The following VPS13A variants were observed in gnomAD, a reference collection of about 807,000 sequenced individuals.
VPS13A encodes the protein vacuolar protein sorting 13 homolog A, also known as intermembrane lipid transfer protein VPS13A.
In VPS13A, 264 loss-of-function variants were observed where a neutral mutation model predicts 390.9. The ratio of observed to expected loss-of-function variants is 0.68; its 90% CI spans 0.61 to 0.75. The LOEUF (loss-of-function observed/expected upper bound fraction) is 0.75, where lower values mean the gene tolerates loss of function less well. VPS13A is among the 30% of genes least tolerant of loss of function. The pLI, the probability that VPS13A is intolerant of heterozygous loss-of-function variation, is 0.00. For missense variants in VPS13A, 3,409 were observed against 3,733.9 expected, an observed-to-expected ratio of 0.91 and a Z score of 2.27; for synonymous variants, 1,231 against 1,227.1, an observed-to-expected ratio of 1.00 and a Z score of -0.07.
Position 77,318,544 on chromosome 9 carries a change from A to G in VPS13A, c.5266A>G (p.Lys1756Glu), listed in dbSNP as rs1308299417. 1 of 1,613,748 alleles carries G rather than the reference A, an allele frequency of 6.2e-7. No homozygotes were observed. The highest frequency in any genetic ancestry group is 1.7e-5 in the Admixed American group (1 of 59,950). ...AAAGTCACGTTTTTCAGGGGAAGGC[A>G]AAAACTGGAGTTCCCTAATAAATCT... ...LAKSRFSGEG[K>E]NWSSLINLHC... The change falls in exon 41 of 72, where the codon AAA becomes GAA. Residue 1756 changes from lysine to glutamate, a missense_variant. By Grantham distance (56) the Lys-to-Glu change is moderately conservative (BLOSUM62 1). Around this residue, in one of 5 missense-constraint regions of VPS13A, gnomAD observed 2,717 missense variants for 2,917.4 expected, o/e 0.93. Coordinates refer to ENST00000360280, the MANE Select transcript of VPS13A (RefSeq NM_033305.3).
At chr9:77,367,251 C>T (rs575075191) in intron 61 of VPS13A, among the ~76,000 whole-genome samples, 4 of 151,918 alleles carry the variant, frequency 2.6e-5, no homozygotes, top group South Asian at 2.1e-4. Flanking sequence ...AGAATGAATG[C>T]GATAATAGGG....
At chr9:77,395,207 T>C (rs1834073165) in intron 68 of VPS13A, among the ~76,000 whole-genome samples, 1 of 152,168 alleles carries the variant, frequency 6.6e-6, no homozygotes, top group South Asian at 2.1e-4. Flanking sequence ...GACATATAAC[T>C]CTTCATTTCA....
chr9:77,197,923 C>A (rs1460463941), intron 1 of VPS13A, among the ~76,000 whole-genome samples: 3 of 152,132 alleles, frequency 2.0e-5, no homozygotes, highest in African/African-American at 7.2e-5. Flanking sequence ...ATAATTTTCT[C>A]ACATTTATTC....
chr9:77,321,149 T>G lies in VPS13A; in HGVS notation c.5416-20T>G. The G allele has an allele frequency of 6.2e-7, 1 of 1,606,814 alleles. No homozygotes were observed. Among genetic ancestry groups the G allele is most frequent in the Non-Finnish European group, 8.5e-7 (1 of 1,174,804 alleles). On this transcript the variant is annotated intron_variant, in intron 42 of 71. Transcript: ENST00000360280. Reference sequence around the variant, plus strand: ...TGTTCTTAGAATTTTTCCTTATATTTCTATGATTTATCATTTTAGATGAAA... The same window carrying G: ...TGTTCTTAGAATTTTTCCTTATATTGCTATGATTTATCATTTTAGATGAAA...
chr9:77,340,484 A>G lies in VPS13A; in HGVS notation c.6960A>G (p.Lys2320=). 6.2e-7 allele frequency: 1 copy of G among 1,613,538 alleles called. No homozygotes were observed. Among genetic ancestry groups the G allele is most frequent in the Non-Finnish European group, 8.5e-7 (1 of 1,179,724 alleles). Residue 2320 remains lysine, a synonymous_variant, in exon 50 of 72, where the codon AAA becomes AAG. Transcript: ENST00000360280. ...TFTPFYMIKN[K]SKYHISVAEE... ...CCCCTTTTTATATGATTAAAAACAA[A>G]AGCAAATACCATATATCAGTGGCTG...
chr9:77,414,686 A>G (rs530986934), intron 71 of VPS13A, among the ~76,000 whole-genome samples: 1 of 151,748 alleles, frequency 6.6e-6, no homozygotes, highest in Non-Finnish European at 1.5e-5. Flanking sequence ...ACATATATAC[A>G]TATGTAACTA....
chr9:77,344,281 G>A lies in VPS13A; in HGVS notation c.7155G>A (p.Glu2385=), dbSNP rs73449933. The part of the protein sequence containing the change: ...ENCILLRLDN[E]LGGIIAEVNL... ...GTATTCTATTGCGTCTAGATAACGA[G>A]GTAAGTTTTTTTTTCTTTTTTGCAT... The change falls in exon 51 of 72, where the codon GAG becomes GAA. Residue 2385 remains glutamate (E), a splice_region_variant and synonymous_variant. Coordinates refer to ENST00000360280, the MANE Select transcript of VPS13A (RefSeq NM_033305.3). 3,659 of 1,612,836 alleles carry A rather than the reference G, an allele frequency of 2.3e-3. 81 individuals carry two copies. The African/African-American group carries it at 0.043, about 19-fold the overall frequency.
At chr9:77,306,259 G>A (rs1489534704) in intron 34 of VPS13A, among the ~76,000 whole-genome samples, 1 of 152,116 alleles carries the variant, frequency 6.6e-6, no homozygotes, top group Non-Finnish European at 1.5e-5. Context: ...GTTAAATATT[G>A]TGGGATTCAA....
chr9:77,177,958 C>G lies in VPS13A; in HGVS notation c.100+154C>G, dbSNP rs965205866. 5.5e-5 allele frequency: 35 copies of G among 641,808 alleles called. No homozygotes were observed. In the African/African-American group the frequency reaches 6.2e-4, roughly 11 times the overall value. The allele number at this position is 641,808 out of a possible 1,614,324, so 39.8% of individuals were successfully genotyped here. A position where few individuals can be genotyped will look rare whatever the true frequency, so the allele number is the denominator to read the frequency against. On this transcript the variant is annotated intron_variant, in intron 1 of 71. Transcript: ENST00000360280. ...GCCTGTGGGTCAAGTTACGTAAAGC[C>G]GGGCGGCAGTTCCCTGGCCTCCGCC... is the stretch of plus-strand genomic sequence containing the variant.
chr9:77,403,258 CA>C lies in VPS13A; in HGVS notation c.9216del (p.Lys3072AsnfsTer9). On this transcript the variant is annotated frameshift_variant, in exon 69 of 72. Transcript: ENST00000360280. LOFTEE classifies it high-confidence loss of function. ...MLQVMENGRFAKYKYFTHVMI... is the reference protein window; with the variant it reads ...MLQVMENGRFXKYKYFTHVMI... ...TAGGTCATGGAAAATGGAAGATTTG[CA>C]AAATACAAATATTTTACCCATGTCA... 1 of 1,611,776 alleles carries C rather than the reference CA, an allele frequency of 6.2e-7. No individual in the cohort carries two copies. The highest frequency in any genetic ancestry group is 8.5e-7 in the Non-Finnish European group (1 of 1,179,208).
chr9:77,253,146 G>GT (rs1405630326), intron 22 of VPS13A, among the ~76,000 whole-genome samples: 4 of 152,050 alleles, frequency 2.6e-5, no homozygotes, highest in South Asian at 4.1e-4. Context: ...GGTATTTTCT[G>GT]TTTTTTTATT....
In VPS13A at chr9:77,416,828, A is replaced by AT. The variant is rs1258626559; in HGVS notation, c.*824dup. On this transcript the variant is annotated 3_prime_UTR_variant, in exon 72 of 72. Transcript: ENST00000360280. ...AAAGCCTTAACAATGCCTACTTTCC[A>AT]TTCACTGTTAACATGGAATAAACAC... 2.0e-5 allele frequency: 3 copies of AT among 152,630 alleles called. No individual in the cohort carries two copies. In the East Asian group the frequency reaches 5.8e-4, roughly 29 times the overall value. 9.5% of individuals were successfully genotyped at this position (152,630 alleles called of 1,614,324 possible).
chr9:77,194,029 G>A (rs543330109), intron 1 of VPS13A, among the ~76,000 whole-genome samples: 1 of 152,224 alleles, frequency 6.6e-6, no homozygotes, highest in African/African-American at 2.4e-5. Flanking sequence ...GGTGTTCCCG[G>A]TCTGCTGGGC....
chr9:77,379,343 C>G (rs1425973464), intron 67 of VPS13A, among the ~76,000 whole-genome samples: 1 of 151,836 alleles, frequency 6.6e-6, no homozygotes. Flanking sequence ...CAAGTTCAAG[C>G]TATTCTCCTG....
intron 56 of VPS13A, among the ~76,000 whole-genome samples, chr9:77,358,156 A>G (rs561100044): frequency 3.3e-5 from 5 of 151,824 alleles, no homozygotes; most frequent in African/African-American, 1.2e-4. Flanking sequence ...GGGTTTCACC[A>G]TGTGGGCCAG....
chr9:77,360,948 T>G (rs1468094069), intron 59 of VPS13A, among the ~76,000 whole-genome samples: 1 of 152,052 alleles, frequency 6.6e-6, no homozygotes, highest in Admixed American at 6.5e-5. Context: ...ATTTAGAAAT[T>G]TAGGGTATGT....
intron 1 of VPS13A, chr9:77,178,167 C>T (rs1823764083): frequency 3.5e-6 from 1 of 283,260 alleles, no homozygotes; most frequent in Non-Finnish European, 6.9e-6. Flanking sequence ...GGCGAGGAGG[C>T]GAGACGACGC....
chr9:77,279,626 C>G (rs1037095103), intron 26 of VPS13A, among the ~76,000 whole-genome samples: 15 of 152,108 alleles, frequency 9.9e-5, no homozygotes, highest in African/African-American at 2.9e-4. Flanking sequence ...CTGCCCTCTT[C>G]TACCCAGTAT....
chr9:77,369,222 G>C (rs1832609364), intron 62 of VPS13A, 77 bp from the exon 63 acceptor site: 1 of 1,103,098 alleles, frequency 9.1e-7, no homozygotes, highest in Admixed American at 1.7e-5. Context: ...AGAAAACTGG[G>C]CGTGTGTTTT....
Sources: gnomAD v4.1 joint callset for allele counts (sites outside exome capture counted in the v4.1 genomes callset) on GRCh38, gnomAD v4.1.1 for gene constraint, gnomAD v4.1.1 regional missense constraint, MANE v1.5 for transcripts, NCBI Gene and HGNC (gene_info 2026-07-23, HGNC 2026-07-21) for gene names.